The following HSCB variants were observed in gnomAD, a reference collection of about 807,000 sequenced individuals.
HSCB encodes iron-sulfur cluster co-chaperone protein HscB.
HSCB carries 23 observed loss-of-function variants against 31.3 expected under a neutral mutation model. The observed-to-expected ratio is 0.74, with a 90% CI of 0.53 to 1.04. The LOEUF (loss-of-function observed/expected upper bound fraction) is 1.04, where lower values mean the gene tolerates loss of function less well. HSCB is among the 50% of genes least tolerant of loss of function. The pLI is 0.00. For missense variants in HSCB, 297 were observed against 288.1 expected (o/e 1.03, Z -0.22); for synonymous variants, 110 against 104.5 (o/e 1.05, Z -0.32).
chr22:28,747,226 C>T (rs1393548809), intron 4 of HSCB, among the ~76,000 whole-genome samples: 1 of 152,190 alleles, frequency 6.6e-6, no homozygotes, highest in African/African-American at 2.4e-5. Context: ...TATAGAGTAA[C>T]ATCTGTTACT....
intron 5 of HSCB, 94 bp from the exon 6 acceptor site, chr22:28,756,984 A>G: frequency 3.9e-6 from 3 of 759,844 alleles, no homozygotes; most frequent in Non-Finnish European, 7.2e-6. Context: ...TCCGGACCCC[A>G]GGGCTCCACT....
intron 5 of HSCB, among the ~76,000 whole-genome samples, chr22:28,755,267 G>A (rs1451993427): frequency 2.0e-5 from 3 of 151,672 alleles, no homozygotes; most frequent in Non-Finnish European, 2.9e-5. Flanking sequence ...AAAATTAGCC[G>A]GGCAAGGTGG....
chr22:28,748,567 C>T (rs2029992139), intron 4 of HSCB, among the ~76,000 whole-genome samples: 1 of 151,758 alleles, frequency 6.6e-6, no homozygotes, highest in Non-Finnish European at 1.5e-5. Flanking sequence ...GGCTGGAGTG[C>T]ACTGGCATGA....
intron 4 of HSCB, among the ~76,000 whole-genome samples, chr22:28,746,400 AAAG>A (rs1358653100): frequency 6.6e-6 from 1 of 150,594 alleles, no homozygotes; most frequent in Non-Finnish European, 1.5e-5. Flanking sequence ...AAAAAAAAAA[AAAG>A]GTTATTTATT....
chr22:28,747,582 T>C (rs1414923895), intron 4 of HSCB, among the ~76,000 whole-genome samples: 1 of 152,100 alleles, frequency 6.6e-6, no homozygotes, highest in African/African-American at 2.4e-5. Context: ...GGATTACAGG[T>C]GTGACTCAAT....
rs1384122565 is a variant in HSCB, at chr22:28,757,102, T to C, written c.641T>C (p.Ile214Thr). 6.4e-7 allele frequency: 1 copy of C among 1,571,692 alleles called. No individual in the cohort carries two copies. The highest frequency in any genetic ancestry group is 8.8e-7 in the Non-Finnish European group (1 of 1,141,870). Reference sequence around the variant, plus strand: ...GATGACTTTGAAGAAGCCAAGGAAATTTTGACAAAGATGAGATACTTTTCA... The same window carrying C: ...GATGACTTTGAAGAAGCCAAGGAAACTTTGACAAAGATGAGATACTTTTCA... ...EQDDFEEAKE[I>T]LTKMRYFSNI... The change falls in exon 6 of 6, where the codon ATT becomes ACT. Residue 214 changes from isoleucine to threonine, a missense_variant. By Grantham distance (89) the Ile-to-Thr change is moderately conservative (BLOSUM62 -1). Transcript: ENST00000216027.
chr22:28,757,160 T>A lies in HSCB; in HGVS notation c.699T>A (p.Ile233=). ...AAGAAAAGATCAAGTTAAAGAAGAT[T>A]CCCCTTTAATTGTGGATAGTTTAAA... The part of the protein sequence containing the change: ...NIEEKIKLKK[I]PL Residue 233 remains isoleucine, a synonymous_variant, in exon 6 of 6, where the codon ATT becomes ATA. Coordinates refer to ENST00000216027, the MANE Select transcript of HSCB (RefSeq NM_172002.5). 6.8e-7 allele frequency: 1 copy of A among 1,479,926 alleles called. No individual in the cohort carries two copies. The highest frequency in any genetic ancestry group is 9.4e-7 in the Non-Finnish European group (1 of 1,059,152). The allele number at this position is 1,479,926 out of a possible 1,614,324, so 91.7% of individuals were successfully genotyped here.
chr22:28,743,549 G>A (rs1263800813), intron 1 of HSCB, among the ~76,000 whole-genome samples: 1 of 152,102 alleles, frequency 6.6e-6, no homozygotes, highest in Non-Finnish European at 1.5e-5. Context: ...CATGTATGAG[G>A]GGCTACAGTA....
intron 4 of HSCB, among the ~76,000 whole-genome samples, chr22:28,750,943 G>GTTTTTTTTTTTTTTTTT (rs1202821377): frequency 2.3e-4 from 14 of 62,030 alleles, no homozygotes; most frequent in East Asian, 1.1e-3. Flanking sequence ...GTATATCTTT[G>GTTTTTTTTTTTTTTTTT]TCTTTTTTTT....
chr22:28,745,989 G>T lies in HSCB; in HGVS notation c.549G>T (p.Glu183Asp), dbSNP rs2054680521. The change falls in exon 4 of 6, where the codon GAG (glutamate) becomes GAT (aspartate). Residue 183 changes from glutamate to aspartate, a missense_variant. Transcript: ENST00000216027. ...AEAESEAAMK[E>D]IESIVKAKQK... ...CTGAAAGTGAAGCTGCCATGAAAGA[G>T]ATTGAATCCATTGTCAAAGGTGAAA... 6.2e-7 allele frequency: 1 copy of T among 1,611,416 alleles called. No homozygotes were observed. Among genetic ancestry groups the T allele is most frequent in the South Asian group, 1.1e-5 (1 of 90,376 alleles).
At chr22:28,754,087 C>T (rs572173280) in intron 5 of HSCB, among the ~76,000 whole-genome samples, 15 of 151,980 alleles carry the variant, frequency 9.9e-5, no homozygotes, top group Admixed American at 3.9e-4. Flanking sequence ...GAGCCGAGAT[C>T]GTGTCACTGC....
chr22:28,754,538 T>C (rs2146225389), intron 5 of HSCB, among the ~76,000 whole-genome samples: 1 of 151,808 alleles, frequency 6.6e-6, no homozygotes, highest in East Asian at 2.0e-4. Flanking sequence ...GGTGTGATGA[T>C]GCATGCCTGT....
rs2030665180 is a variant in HSCB at position 28,757,176 on chromosome 22, ATAGTT to A, written c.*10_*14del. ...AAAGAAGATTCCCCTTTAATTGTGG[ATAGTT>A]TAAAGTTTAAAAAATAAAGTTCTTG... is the stretch of plus-strand genomic sequence containing the variant. On this transcript the variant is annotated 3_prime_UTR_variant, in exon 6 of 6. Coordinates refer to ENST00000216027, the MANE Select transcript of HSCB (RefSeq NM_172002.5). 5 of 1,409,332 alleles carry A rather than the reference ATAGTT, an allele frequency of 3.5e-6. No homozygotes were observed. The highest frequency in any genetic ancestry group is 4.0e-6 in the Non-Finnish European group (4 of 995,696). 87.3% of individuals were successfully genotyped at this position (1,409,332 alleles called of 1,614,324 possible).
At chr22:28,742,709 G>A in intron 1 of HSCB, 1 of 280,796 alleles carries the variant, frequency 3.6e-6, no homozygotes, top group East Asian at 7.6e-5. Flanking sequence ...CTGGGAGACT[G>A]GAAGACTTGA....
intron 5 of HSCB, among the ~76,000 whole-genome samples, chr22:28,754,280 GAA>G (rs1330983939): frequency 6.6e-6 from 1 of 152,182 alleles, no homozygotes; most frequent in Non-Finnish European, 1.5e-5. Context: ...GATTCATAGA[GAA>G]AGTGGAATGG....
intron 5 of HSCB, among the ~76,000 whole-genome samples, chr22:28,752,657 C>A (rs907044284): frequency 1.3e-5 from 2 of 151,234 alleles, no homozygotes; most frequent in African/African-American, 4.9e-5. Context: ...TGGCGTGAAC[C>A]CGGGAGGCGG....
chr22:28,742,867 C>T (rs1298554880), intron 1 of HSCB: 1 of 155,844 alleles, frequency 6.4e-6, no homozygotes, highest in Non-Finnish European at 1.4e-5. Context: ...GGGAGAGGGT[C>T]CAATAAATGG....
rs2029897025 is a variant in HSCB, at chr22:28,747,110, T to A, written c.568+1102T>A. ...TAGGGGTAGATAAGCAGGCTGAAAG[T>A]CCAGGCAGGATTTCTATGTTACAGT... On this transcript the variant is annotated intron_variant, in intron 4 of 5. Transcript: ENST00000216027. Among the ~76,000 whole-genome samples, 2 of 151,962 alleles carry A rather than the reference T, an allele frequency of 1.3e-5. 1 individual carries two copies. Among genetic ancestry groups the A allele is most frequent in the Admixed American group, 1.3e-4 (2 of 15,236 alleles).
chr22:28,749,705 T>C lies in HSCB; in HGVS notation c.569-1536T>C, dbSNP rs1016770376. Among the ~76,000 whole-genome samples the C allele has an allele frequency of 3.9e-5, 6 of 152,270 alleles. No homozygotes were observed. In the South Asian group the frequency reaches 6.2e-4, roughly 16 times the overall value. On this transcript the variant is annotated intron_variant, in intron 4 of 5. Transcript: ENST00000216027. ...TGAGGGGACCGTCAGCTTGGAGATA[T>C]GTTCACAGCATTAGGACTGGGTTGT...
Sources: gnomAD v4.1 joint callset for allele counts (sites outside exome capture counted in the v4.1 genomes callset) on GRCh38, gnomAD v4.1.1 for gene constraint, MANE v1.5 for transcripts, NCBI Gene and HGNC (gene_info 2026-07-23, HGNC 2026-07-21) for gene names.